PCDHGB5: variants seen among roughly 807,000 people sequenced by gnomAD.
PCDHGB5 encodes the protein protocadherin gamma subfamily B, 5, also known as protocadherin gamma-B5.
Under a neutral mutation model 62.9 loss-of-function variants are expected in PCDHGB5, and 48 were observed. That is an observed-to-expected ratio of 0.76 (90% CI 0.61 to 0.97). PCDHGB5 has a LOEUF of 0.97. PCDHGB5 is among the 50% of genes least tolerant of loss of function. The pLI is 0.00. For missense variants in PCDHGB5, 1,118 were observed against 1,198.6 expected (o/e 0.93, Z 0.99); for synonymous variants, 474 against 511.2 (o/e 0.93, Z 0.98).
rs776349562 is a variant in PCDHGB5 at position 141,491,131 on chromosome 5, G to T, written c.2398-3676G>T. The T allele has an allele frequency of 6.2e-7, 1 of 1,614,182 alleles. No individual in the cohort carries two copies. Among genetic ancestry groups the T allele is most frequent in the Non-Finnish European group, 8.5e-7 (1 of 1,180,008 alleles). On this transcript the variant is annotated intron_variant, in intron 1 of 3. Coordinates refer to ENST00000617380, the MANE Select transcript of PCDHGB5 (RefSeq NM_018925.3). This position sits in a 1 kb window ranked among gnomAD's most constrained non-coding sequence, Gnocchi z 6.9. ...TACACACACTGGTGAGGTGCGCACA[G>T]CCCGGGCCTTACTGGAGGATGACTC...
At chr5:141,494,991 G>A in intron 2 of PCDHGB5, 126 bp downstream of exon 2, 1 of 1,551,148 alleles carries the variant, frequency 6.4e-7, no homozygotes, top group Non-Finnish European at 8.7e-7. Context: ...AGATCCCAGG[G>A]AGGTCTTGGT....
chr5:141,459,486 G>A (rs764885682), intron 1 of PCDHGB5, among the ~76,000 whole-genome samples: 8 of 152,154 alleles, frequency 5.3e-5, no homozygotes, highest in Admixed American at 3.9e-4. Context: ...GTGCTATTCT[G>A]AATTAAAGTG....
intron 1 of PCDHGB5, chr5:141,422,371 C>T (rs866886181): frequency 6.4e-7 from 1 of 1,567,212 alleles, no homozygotes; most frequent in South Asian, 1.2e-5. Context: ...AGAAAATGGT[C>T]AAGTCTCCTG....
chr5:141,413,645 C>T, intron 1 of PCDHGB5: 9 of 1,613,834 alleles, frequency 5.6e-6, no homozygotes, highest in Non-Finnish European at 7.6e-6. Context: ...ATGCGTTTTC[C>T]TCTCCCGGAA....
chr5:141,482,891 G>A (rs1594277958), intron 1 of PCDHGB5, among the ~76,000 whole-genome samples: 2 of 152,168 alleles, frequency 1.3e-5, no homozygotes, highest in East Asian at 3.8e-4. Flanking sequence ...GGCCAACATG[G>A]TGAAACCTCA....
intron 1 of PCDHGB5, among the ~76,000 whole-genome samples, chr5:141,406,629 A>G (rs2094832755): frequency 6.6e-6 from 1 of 152,188 alleles, no homozygotes; most frequent in Non-Finnish European, 1.5e-5. Context: ...TCATATCTTC[A>G]AAGGTCTTAA....
chr5:141,511,450 C>A lies in PCDHGB5; in HGVS notation c.*277C>A. Reference sequence around the variant, plus strand: ...TGGGGTTACTGTAGACACCAAGAACCATTTGCCACACCCCGTTTAGTTACA... The same window carrying A: ...TGGGGTTACTGTAGACACCAAGAACAATTTGCCACACCCCGTTTAGTTACA... On this transcript the variant is annotated 3_prime_UTR_variant, in exon 4 of 4. Transcript: ENST00000617380. The A allele has an allele frequency of 3.3e-6, 2 of 615,088 alleles. No homozygotes were observed. The highest frequency in any genetic ancestry group is 6.8e-5 in the East Asian group (2 of 29,272). The allele number at this position is 615,088 out of a possible 1,614,324, so 38.1% of individuals were successfully genotyped here.
chr5:141,510,209 G>T (rs1294961681), intron 3 of PCDHGB5, among the ~76,000 whole-genome samples: 12 of 151,440 alleles, frequency 7.9e-5, no homozygotes, highest in African/African-American at 2.9e-4. Flanking sequence ...GGAGGCAGAG[G>T]TTGCAGTGAG....
At chr5:141,430,811 A>G (rs1193066300) in intron 1 of PCDHGB5, 1 of 1,527,400 alleles carries the variant, frequency 6.5e-7, no homozygotes. Flanking sequence ...CCTGCTGGGA[A>G]TCCTCCTGGG....
At chr5:141,418,800 GAT>G (rs777421725) in intron 1 of PCDHGB5, 1 of 1,613,800 alleles carries the variant, frequency 6.2e-7, no homozygotes, top group Non-Finnish European at 8.5e-7. Flanking sequence ...GAAGTAGAAA[GAT>G]ATACGATAAA....
chr5:141,409,481 A>G (rs1589715212), intron 1 of PCDHGB5: 1 of 1,613,968 alleles, frequency 6.2e-7, no homozygotes, highest in Non-Finnish European at 8.5e-7. Context: ...AGCCACTGAC[A>G]GGGGCAAGCC....
chr5:141,408,656 C>G (rs1367377855), intron 1 of PCDHGB5: 1 of 1,614,030 alleles, frequency 6.2e-7, no homozygotes, highest in South Asian at 1.1e-5. Flanking sequence ...TGGTACACGA[C>G]TATCGCTTGA....
chr5:141,422,719 CA>C (rs2096667277), intron 1 of PCDHGB5: 1 of 1,604,786 alleles, frequency 6.2e-7, no homozygotes, highest in Admixed American at 1.7e-5. Flanking sequence ...TGACACTGTC[CA>C]GGGGGTGCCT....
intron 1 of PCDHGB5, chr5:141,415,199 T>C (rs761532551): frequency 1.7e-5 from 28 of 1,613,880 alleles, no homozygotes; most frequent in Non-Finnish European, 2.4e-5. Flanking sequence ...ATCCCCCAAG[T>C]CCTGGCGGAC....
intron 1 of PCDHGB5, among the ~76,000 whole-genome samples, chr5:141,450,830 T>A (rs923422605): frequency 3.0e-5 from 3 of 101,548 alleles, no homozygotes; most frequent in African/African-American, 1.3e-4. Context: ...ATTATTATTA[T>A]TTTTTTTTTT....
intron 1 of PCDHGB5, chr5:141,418,910 T>C: frequency 6.2e-7 from 1 of 1,613,936 alleles, no homozygotes; most frequent in East Asian, 2.2e-5. Flanking sequence ...AATCATCACG[T>C]CACTCTCTGA....
chr5:141,422,028 A>C, intron 1 of PCDHGB5: 1 of 1,611,196 alleles, frequency 6.2e-7, no homozygotes, highest in Non-Finnish European at 8.5e-7. Flanking sequence ...TGGTTAATGC[A>C]ACGGATCCAG....
At chr5:141,499,343 G>C (rs1184175548) in intron 2 of PCDHGB5, among the ~76,000 whole-genome samples, 1 of 152,146 alleles carries the variant, frequency 6.6e-6, no homozygotes, top group Non-Finnish European at 1.5e-5. Context: ...AGTTTGGGCA[G>C]TCATTCAACA....
At chr5:141,484,626 C>T (rs1306600907) in intron 1 of PCDHGB5, among the ~76,000 whole-genome samples, 1 of 151,972 alleles carries the variant, frequency 6.6e-6, no homozygotes, top group African/African-American at 2.4e-5. Context: ...CTGGCTTGAA[C>T]AAAGTGACCA....
Sources: allele counts gnomAD v4.1 joint callset (sites outside exome capture counted in the v4.1 genomes callset), GRCh38; gene constraint gnomAD v4.1.1; non-coding constraint Gnocchi (gnomAD v3.1); transcripts MANE v1.5; gene names NCBI Gene and HGNC (gene_info 2026-07-23, HGNC 2026-07-21).